SLC37A1: variants seen among roughly 807,000 people sequenced by gnomAD.
SLC37A1 encodes solute carrier family 37 member 1.
Under a neutral mutation model 75.3 loss-of-function variants are expected in SLC37A1, and 49 were observed. The observed-to-expected ratio is 0.65, with a 90% confidence interval of 0.52 to 0.83. The LOEUF is 0.83. Among genes scored for constraint, SLC37A1 ranks in the 40% least tolerant of loss-of-function variants. The probability of loss-of-function intolerance (pLI) is 0.00; values close to 1 mark genes in which losing one functional copy is unlikely to be tolerated. For synonymous variants in SLC37A1, 268 were observed against 292.1 expected (o/e 0.92, Z 0.84); for missense variants, 566 against 695.0 (o/e 0.81, Z 2.09).
intron 15 of SLC37A1, 71 bp downstream of exon 15, chr21:42,565,946 T>C (rs2055966213): frequency 2.0e-6 from 3 of 1,489,376 alleles, no homozygotes; most frequent in Admixed American, 1.7e-5. Context: ...CAAGATGAAA[T>C]ACTAAAATCA....
chr21:42,523,460 C>T (rs188129852), intron 2 of SLC37A1, among the ~76,000 whole-genome samples: 6 of 152,348 alleles, frequency 3.9e-5, no homozygotes, highest in Non-Finnish European at 4.4e-5. Context: ...TCTTCCTGCA[C>T]CAGCAGTCGA....
intron 5 of SLC37A1, 65 bp downstream of exon 5, chr21:42,535,615 C>A (rs1447720338): frequency 2.1e-6 from 3 of 1,431,972 alleles, no homozygotes; most frequent in Non-Finnish European, 3.0e-6. Flanking sequence ...GAGAAGACAT[C>A]CGCTATGCTG....
intron 3 of SLC37A1, among the ~76,000 whole-genome samples, chr21:42,534,086 G>A (rs1451934286): frequency 1.3e-5 from 2 of 152,182 alleles, no homozygotes; most frequent in African/African-American, 4.8e-5. Context: ...CTGGCTCCCA[G>A]ACAGCTCCCC....
chr21:42,522,589 A>G (rs2054680790), intron 2 of SLC37A1, among the ~76,000 whole-genome samples: 1 of 152,226 alleles, frequency 6.6e-6, no homozygotes, highest in South Asian at 2.1e-4. Context: ...TCCTAAGTAC[A>G]GAAGATGAAG....
chr21:42,570,009 G>C (rs998019190), intron 17 of SLC37A1, among the ~76,000 whole-genome samples: 3 of 151,638 alleles, frequency 2.0e-5, no homozygotes, highest in African/African-American at 7.3e-5. Flanking sequence ...CGGCGGGCAG[G>C]GTGGCCGTTG....
At chr21:42,557,162 C>T (rs182110080) in intron 10 of SLC37A1, among the ~76,000 whole-genome samples, 11 of 152,332 alleles carry the variant, frequency 7.2e-5, no homozygotes, top group East Asian at 1.9e-4. Flanking sequence ...GGCCTCGTTC[C>T]GCTTGACTTT....
In SLC37A1 at chr21:42,535,617, G is replaced by A. The variant is rs115590543; in HGVS notation, c.350+67G>A. On this transcript the variant is annotated intron_variant, in intron 5 of 19. Coordinates refer to ENST00000352133, the MANE Select transcript of SLC37A1 (RefSeq NM_001320537.2). ...GCCCCTCCGTGCAGAGAAGACATCC[G>A]CTATGCTGAAGTGCACAGGCGCGCG... The A allele has an allele frequency of 6.7e-4, 955 of 1,424,618 alleles. 6 individuals carry two copies. In the African/African-American group the frequency reaches 0.011, roughly 17 times the overall value. The allele number at this position is 1,424,618 out of a possible 1,614,324, so 88.2% of individuals were successfully genotyped here.
At position 42,539,966 on chromosome 21, in the gene SLC37A1, G is replaced by C. The variant is rs577501835; in HGVS notation, c.486+319G>C. Reference sequence around the variant, plus strand: ...GGATAAGTTTGAAATGTTTTATCTTGCGAAAGATTTGACCACTTAGGGGTT... The same window carrying C: ...GGATAAGTTTGAAATGTTTTATCTTCCGAAAGATTTGACCACTTAGGGGTT... On this transcript the variant is annotated intron_variant, in intron 6 of 19. Coordinates refer to ENST00000352133, the MANE Select transcript of SLC37A1 (RefSeq NM_001320537.2). Among the ~76,000 whole-genome samples the C allele has an allele frequency of 6.7e-3, 1,017 of 152,292 alleles. 36 individuals carry two copies. The highest frequency in any genetic ancestry group is 0.063 in the Admixed American group (965 of 15,296).
intron 18 of SLC37A1, chr21:42,575,911 G>A (rs2056298010): frequency 1.0e-6 from 1 of 985,240 alleles, no homozygotes; most frequent in Admixed American, 6.1e-5. Flanking sequence ...CCTCCAGATG[G>A]ATTTCCACTA....
At chr21:42,546,070 T>G (rs1331502144) in intron 8 of SLC37A1, among the ~76,000 whole-genome samples, 2 of 152,194 alleles carry the variant, frequency 1.3e-5, no homozygotes, top group Non-Finnish European at 2.9e-5. Flanking sequence ...CCTGCAGCCC[T>G]GTAGCTCAGT....
chr21:42,539,402 C>T (rs2055217996), intron 5 of SLC37A1, 110 bp from the exon 6 acceptor site: 2 of 1,274,916 alleles, frequency 1.6e-6, no homozygotes, highest in African/African-American at 1.5e-5. Flanking sequence ...CTTGAGAGTT[C>T]CCCAAGCTCA....
intron 16 of SLC37A1, among the ~76,000 whole-genome samples, chr21:42,567,895 C>T (rs1165980420): frequency 6.6e-6 from 1 of 152,156 alleles, no homozygotes; most frequent in East Asian, 1.9e-4. Context: ...CTTCCCCTGG[C>T]GTTTGCTATT....
intron 17 of SLC37A1, among the ~76,000 whole-genome samples, chr21:42,572,750 T>C (rs1477355575): frequency 6.7e-6 from 1 of 148,700 alleles, no homozygotes; most frequent in Non-Finnish European, 1.5e-5. Context: ...AGGTTCAACT[T>C]AGTCTTCTGT....
rs967414378 is a variant in SLC37A1, at chr21:42,531,082, C to T, written c.139-3616C>T. Among the ~76,000 whole-genome samples, 6 of 152,262 alleles carry T rather than the reference C, an allele frequency of 3.9e-5. 1 individual carries two copies. The South Asian group carries it at 6.2e-4, about 16-fold the overall frequency. The stretch of plus-strand genomic sequence containing the variant: ...CCGCAGCTGCCTGCTGCTCCCCGGA[C>T]GGGATTTCCTCTCGCTGCCAGTGGG... On this transcript the variant is annotated intron_variant, in intron 3 of 19. Coordinates refer to ENST00000352133, the MANE Select transcript of SLC37A1 (RefSeq NM_001320537.2).
chr21:42,576,604 CTAAAAA>C (rs2056315706), intron 18 of SLC37A1, among the ~76,000 whole-genome samples: 2 of 151,676 alleles, frequency 1.3e-5, no homozygotes, highest in African/African-American at 4.9e-5. Context: ...GTTATGTAAA[CTAAAAA>C]TAAATATATG....
chr21:42,539,671 A>T, intron 6 of SLC37A1, 24 bp downstream of exon 6: 2 of 1,603,792 alleles, frequency 1.2e-6, no homozygotes, highest in South Asian at 2.2e-5. Context: ...TCCGTGGCTC[A>T]CCATGTACGG....
intron 2 of SLC37A1, among the ~76,000 whole-genome samples, chr21:42,505,713 A>G (rs1484007195): frequency 6.6e-6 from 1 of 152,242 alleles, no homozygotes; most frequent in African/African-American, 2.4e-5. Flanking sequence ...AAATTACAGT[A>G]TCCAAAACAT....
intron 6 of SLC37A1, among the ~76,000 whole-genome samples, chr21:42,540,728 C>T (rs576829361): frequency 8.5e-5 from 13 of 152,214 alleles, no homozygotes; most frequent in African/African-American, 3.1e-4. Flanking sequence ...CTGGGGCTCC[C>T]CAGATAGGTC....
At chr21:42,556,066 G>A (rs555706417) in intron 10 of SLC37A1, among the ~76,000 whole-genome samples, 3 of 152,212 alleles carry the variant, frequency 2.0e-5, no homozygotes, top group Non-Finnish European at 2.9e-5. Context: ...ACTATGTCAC[G>A]TAGCAGGCAG....
Sources: gnomAD v4.1 joint callset for allele counts (sites outside exome capture counted in the v4.1 genomes callset) on GRCh38, gnomAD v4.1.1 for gene constraint, MANE v1.5 for transcripts, NCBI Gene and HGNC (gene_info 2026-07-23, HGNC 2026-07-21) for gene names.